Variants in GATA4 observed in about 807,000 individuals in gnomAD.
GATA4 encodes transcription factor GATA-4.
Under a neutral mutation model 37.9 loss-of-function variants are expected in GATA4, and 7 were observed. The ratio of observed to expected loss-of-function variants is 0.18; its 90% confidence interval spans 0.11 to 0.35. GATA4 has a LOEUF of 0.35. Ranked by LOEUF, GATA4 falls within the 10% of genes least tolerant of loss-of-function variation. The pLI is 1.00. For synonymous variants in GATA4, 372 were observed against 292.6 expected (o/e 1.27, Z -2.77); for missense variants, 647 against 653.0 (o/e 0.99, Z 0.10).
At chr8:11,701,781 C>A (rs779987247), upstream of GATA4, among the ~76,000 whole-genome samples, 17 of 151,942 alleles carry the variant, frequency 1.1e-4, no homozygotes, top group Non-Finnish European at 2.1e-4. Context: ...AGCGAATATT[C>A]CTGGGTCAGG....
intron 2 of GATA4, among the ~76,000 whole-genome samples, chr8:11,744,839 G>C (rs776809517): frequency 2.6e-5 from 4 of 152,134 alleles, no homozygotes; most frequent in Non-Finnish European, 5.9e-5. Context: ...ATCGCAATGG[G>C]ACTTCTATGC....
intron 1 of GATA4, among the ~76,000 whole-genome samples, chr8:11,693,562 C>CACACACACACAGAGAG (rs1405047773): frequency 1.4e-5 from 1 of 72,146 alleles, no homozygotes; most frequent in African/African-American, 5.1e-5. Context: ...CACACACACA[C>CACACACACACAGAGAG]AGAGAGAGAG....
chr8:11,683,070 C>G (rs370396438), intron 1 of GATA4: 9 of 985,246 alleles, frequency 9.1e-6, no homozygotes, highest in Admixed American at 6.1e-5. Flanking sequence ...CTCTTACCCC[C>G]TAGGTTTTCC....
At chr8:11,757,957 G>T (rs1206025857) in intron 6 of GATA4, among the ~76,000 whole-genome samples, 1 of 152,198 alleles carries the variant, frequency 6.6e-6, no homozygotes, top group Non-Finnish European at 1.5e-5. Context: ...CCGGGTGGAT[G>T]GCTTCTTTGT....
At chr8:11,726,076 A>G (rs1482688367) in intron 2 of GATA4, among the ~76,000 whole-genome samples, 1 of 152,232 alleles carries the variant, frequency 6.6e-6, no homozygotes. Context: ...GGGGTCCGGA[A>G]TACCATCACC....
chr8:11,680,717 G>A (rs1030522338), intron 1 of GATA4: 72 of 985,188 alleles, frequency 7.3e-5, no homozygotes, highest in South Asian at 9.4e-5. Context: ...CAGCCGCTGC[G>A]CACGGATACC....
intron 2 of GATA4, among the ~76,000 whole-genome samples, chr8:11,714,487 G>A (rs1171609918): frequency 2.6e-5 from 4 of 152,196 alleles, no homozygotes; most frequent in Non-Finnish European, 5.9e-5. Context: ...TGAGACTGGA[G>A]AATGATTTGT....
At chr8:11,728,227 G>T (rs541512107) in intron 2 of GATA4, among the ~76,000 whole-genome samples, 2 of 152,360 alleles carry the variant, frequency 1.3e-5, no homozygotes, top group African/African-American at 4.8e-5. Flanking sequence ...TATGTCAGGT[G>T]ATCCACCGCC....
At chr8:11,701,092 C>T (rs1365513711), upstream of GATA4, among the ~76,000 whole-genome samples, 5 of 152,120 alleles carry the variant, frequency 3.3e-5, no homozygotes, top group African/African-American at 1.2e-4. Flanking sequence ...GGGGTATGGA[C>T]CAGCTCAAGT....
rs535819238 is a variant in GATA4 at position 11,707,364 on chromosome 8, T to C, written c.-457-492T>C. On this transcript the variant is annotated intron_variant, in intron 1 of 6. Coordinates refer to ENST00000532059, the MANE Select transcript of GATA4 (RefSeq NM_001308093.3). This position sits in a 1 kb window ranked among gnomAD's most constrained non-coding sequence, Gnocchi z 4.7. ...AACAAAACTTTGTTAGGTTGTTGTT[T>C]TGTGTAAAGTTTGTCCTTGTCCCCC... Among the ~76,000 whole-genome samples the C allele has an allele frequency of 1.5e-3, 230 of 152,040 alleles. No individual in the cohort carries two copies. The highest frequency in any genetic ancestry group is 3.9e-3 in the Admixed American group (60 of 15,272).
At position 11,707,607 on chromosome 8, in the gene GATA4, A is replaced by G. The variant is rs1011477434; in HGVS notation, c.-457-249A>G. Among the ~76,000 whole-genome samples the G allele has an allele frequency of 1.1e-4, 16 of 152,134 alleles. No individual in the cohort carries two copies. Among genetic ancestry groups the G allele is most frequent in the Admixed American group, 2.6e-4 (4 of 15,286 alleles). On this transcript the variant is annotated intron_variant, in intron 1 of 6. Transcript: ENST00000532059. The surrounding 1 kb of genome is among the most constrained non-coding windows in gnomAD (Gnocchi z 4.7). ...GACCAAGATCACAACCAATAACTGCACACCAAAGACCCGGGAAGCCCCTGG... is the reference window on the plus strand; with the variant it reads ...GACCAAGATCACAACCAATAACTGCGCACCAAAGACCCGGGAAGCCCCTGG...
chr8:11,723,730 C>G (rs773275746), intron 2 of GATA4, among the ~76,000 whole-genome samples: 47 of 152,188 alleles, frequency 3.1e-4, no homozygotes, highest in Non-Finnish European at 4.3e-4. Context: ...TACAGCATGT[C>G]TTCATACTGA....
At chr8:11,737,364 C>G (rs1054169052) in intron 2 of GATA4, among the ~76,000 whole-genome samples, 1 of 152,188 alleles carries the variant, frequency 6.6e-6, no homozygotes, top group African/African-American at 2.4e-5. Flanking sequence ...GGCCATGGGC[C>G]TGGAAGGAAA....
chr8:11,695,330 C>G (rs1028064439), intron 1 of GATA4, among the ~76,000 whole-genome samples: 1 of 152,020 alleles, frequency 6.6e-6, no homozygotes, highest in Admixed American at 6.5e-5. Context: ...GGCTTGAACC[C>G]GGGAGGCAGA....
At chr8:11,678,046 AATAAT>A (rs1798839104) in intron 1 of GATA4, among the ~76,000 whole-genome samples, 2 of 140,760 alleles carry the variant, frequency 1.4e-5, no homozygotes, top group Non-Finnish European at 3.0e-5. Flanking sequence ...TAATAATAAT[AATAAT>A]AATAATAAAT....
In GATA4 at chr8:11,756,796, A is replaced by T. The variant is rs13250578; in HGVS notation, c.1001-139A>T. On this transcript the variant is annotated intron_variant, in intron 5 of 6. Transcript: ENST00000532059. ...CCCTGTGAGAACTGTAGCCCTCCGC[A>T]GATAAGGACCTCTGCTGCTGTCCCC... 142,965 of 1,127,682 alleles carry T rather than the reference A, an allele frequency of 0.13. 10,037 individuals carry two copies. Among genetic ancestry groups the T allele is most frequent in the Middle Eastern group, 0.16 (623 of 3,974 alleles). 69.9% of individuals were successfully genotyped at this position (1,127,682 alleles called of 1,614,324 possible).
chr8:11,714,898 G>C (rs1800369091), intron 2 of GATA4, among the ~76,000 whole-genome samples: 1 of 152,180 alleles, frequency 6.6e-6, no homozygotes, highest in Non-Finnish European at 1.5e-5. Context: ...AGAGTCTTAG[G>C]TGTAGTAGCC....
At chr8:11,690,456 G>A (rs1035077944), upstream of GATA4, among the ~76,000 whole-genome samples, 1 of 152,172 alleles carries the variant, frequency 6.6e-6, no homozygotes, top group Admixed American at 6.5e-5. Flanking sequence ...GGTATATAGA[G>A]AGGCAGATGT....
chr8:11,735,866 C>T (rs1345780189), intron 2 of GATA4, among the ~76,000 whole-genome samples: 1 of 151,962 alleles, frequency 6.6e-6, no homozygotes, highest in Non-Finnish European at 1.5e-5. Context: ...TAGCTGAGAC[C>T]TTTTGTTTCT....
Sources: allele counts gnomAD v4.1 joint callset (sites outside exome capture counted in the v4.1 genomes callset), GRCh38; gene constraint gnomAD v4.1.1; non-coding constraint Gnocchi (gnomAD v3.1); transcripts MANE v1.5; gene names NCBI Gene and HGNC (gene_info 2026-07-23, HGNC 2026-07-21).